The following PVT1 variants were observed in gnomAD, a reference collection of about 807,000 sequenced individuals.
PVT1 encodes the protein Pvt1 oncogene, also known as CXCR4/PVT1 fusion.
chr8:128,018,027 G>A (rs556593147), intron 4 of PVT1, among the ~76,000 whole-genome samples: 22 of 152,122 alleles, frequency 1.4e-4, no homozygotes, highest in Non-Finnish European at 2.5e-4. Flanking sequence ...TTGCGCATAC[G>A]CACAAAAATA....
intron 4 of PVT1, among the ~76,000 whole-genome samples, chr8:128,021,835 T>A (rs987045196): frequency 4.6e-5 from 7 of 152,158 alleles, no homozygotes; most frequent in Middle Eastern, 3.2e-3. Context: ...TTGATTAGCG[T>A]CTGAGCTCAG....
At chr8:127,959,282 G>A (rs1234581746) in intron 3 of PVT1, among the ~76,000 whole-genome samples, 2 of 152,066 alleles carry the variant, frequency 1.3e-5, no homozygotes, top group Non-Finnish European at 2.9e-5. Flanking sequence ...TACACTCTGG[G>A]GATATAAAAG....
chr8:127,796,206 A>G (rs991219671), intron 2 of PVT1: 4 of 157,986 alleles, frequency 2.5e-5, no homozygotes, highest in African/African-American at 7.2e-5. Flanking sequence ...ATTTTTGCAT[A>G]AACGGCTTCT....
At chr8:127,984,850 T>TTTCC (rs1283562080) in intron 3 of PVT1, among the ~76,000 whole-genome samples, 109 of 20,444 alleles carry the variant, frequency 5.3e-3, no homozygotes, top group African/African-American at 0.011. Context: ...TCTTTCTTTC[T>TTTCC]TTCTTTCTTT....
intron 5 of PVT1, among the ~76,000 whole-genome samples, chr8:128,074,225 G>T (rs558002306): frequency 2.0e-5 from 3 of 152,106 alleles, no homozygotes; most frequent in African/African-American, 7.2e-5. Flanking sequence ...AGCATATCCC[G>T]ACCGGGCACA....
chr8:127,810,032 AT>A (rs1386340957), intron 2 of PVT1, among the ~76,000 whole-genome samples: 1 of 152,112 alleles, frequency 6.6e-6, no homozygotes, highest in Non-Finnish European at 1.5e-5. Context: ...GTCCCTCCCC[AT>A]TTATAAGGCT....
At chr8:127,821,532 C>T (rs534554317) in intron 2 of PVT1, among the ~76,000 whole-genome samples, 3 of 152,130 alleles carry the variant, frequency 2.0e-5, no homozygotes, top group South Asian at 2.1e-4. Context: ...AAATTACTGC[C>T]GGGTGCGGTG....
At chr8:127,888,640 A>T (rs534893927) in intron 2 of PVT1, among the ~76,000 whole-genome samples, 25 of 152,332 alleles carry the variant, frequency 1.6e-4, no homozygotes, top group African/African-American at 5.8e-4. Flanking sequence ...TTATTCAGAG[A>T]CAGAGATATG....
intron 2 of PVT1, among the ~76,000 whole-genome samples, chr8:127,841,880 T>C (rs1814978689): frequency 6.6e-6 from 1 of 151,662 alleles, no homozygotes; most frequent in African/African-American, 2.4e-5. Context: ...TGTGCGCCAC[T>C]ACCCCCAGCT....
chr8:128,005,766 G>A (rs1817239138), intron 4 of PVT1, among the ~76,000 whole-genome samples: 1 of 152,118 alleles, frequency 6.6e-6, no homozygotes, highest in Admixed American at 6.6e-5. Flanking sequence ...CTCACACACT[G>A]CTGCTGAAAG....
chr8:127,915,716 A>G (rs1364859438), intron 3 of PVT1, among the ~76,000 whole-genome samples: 7 of 152,158 alleles, frequency 4.6e-5, no homozygotes, highest in Admixed American at 4.6e-4. Context: ...CCCATTCTAC[A>G]GATGAGAAAG....
intron 3 of PVT1, among the ~76,000 whole-genome samples, chr8:127,917,731 C>T (rs1476705087): frequency 6.6e-6 from 1 of 152,242 alleles, no homozygotes; most frequent in East Asian, 1.9e-4. Context: ...GCCTACAGCC[C>T]GCTCTGGGGA....
intron 3 of PVT1, among the ~76,000 whole-genome samples, chr8:127,970,746 A>C (rs1000579032): frequency 6.6e-6 from 1 of 152,206 alleles, no homozygotes; most frequent in Non-Finnish European, 1.5e-5. Context: ...CCAAAAAATA[A>C]AAACAAAAAC....
chr8:127,929,755 G>A (rs1266294553), intron 3 of PVT1, among the ~76,000 whole-genome samples: 2 of 151,576 alleles, frequency 1.3e-5, no homozygotes, highest in African/African-American at 4.9e-5. Flanking sequence ...GTGACAGAGC[G>A]AGACTCCGTC....
intron 3 of PVT1, among the ~76,000 whole-genome samples, chr8:127,921,852 A>ATTTTTTTTTTTTTTT (rs1816062657): frequency 1.2e-5 from 1 of 82,014 alleles, no homozygotes; most frequent in East Asian, 3.9e-4. Flanking sequence ...TTTTTGGTTC[A>ATTTTTTTTTTTTTTT]TGTTTTTTTT....
intron 4 of PVT1, among the ~76,000 whole-genome samples, chr8:128,004,056 C>T (rs534816873): frequency 1.5e-4 from 23 of 152,186 alleles, no homozygotes; most frequent in African/African-American, 5.5e-4. Context: ...GGACACATAT[C>T]CTTTCAGATT....
At chr8:128,061,591 A>G (rs183010478) in intron 4 of PVT1, among the ~76,000 whole-genome samples, 109 of 152,328 alleles carry the variant, frequency 7.2e-4, no homozygotes, top group African/African-American at 2.6e-3. Context: ...AGTCTTTTCC[A>G]AAGTGTCTAC....
At chr8:127,874,841 A>G (rs556126728) in intron 2 of PVT1, among the ~76,000 whole-genome samples, 1 of 151,218 alleles carries the variant, frequency 6.6e-6, no homozygotes, top group Admixed American at 6.6e-5. Context: ...AAGCCTACTG[A>G]TCTTTGAGTT....
At chr8:127,831,028 C>G (rs543795590) in intron 2 of PVT1, among the ~76,000 whole-genome samples, 1 of 146,070 alleles carries the variant, frequency 6.8e-6, no homozygotes, top group Non-Finnish European at 1.5e-5. Flanking sequence ...TAATAAACTC[C>G]TCTTTATATA....
Sources: gnomAD v4.1 joint callset for allele counts (sites outside exome capture counted in the v4.1 genomes callset) on GRCh38, gnomAD v4.1.1 for gene constraint, MANE v1.5 for transcripts, NCBI Gene and HGNC (gene_info 2026-07-23, HGNC 2026-07-21) for gene names.